Variants in FBXL19 observed in about 807,000 individuals in gnomAD.
FBXL19 encodes F-box and leucine rich repeat protein 19, also known as F-box/LRR-repeat protein 19.
In FBXL19, 16 loss-of-function variants were observed where a neutral mutation model predicts 71.2. The observed-to-expected ratio is 0.22, with a 90% CI of 0.15 to 0.34. FBXL19 has a LOEUF of 0.34. Among genes scored for constraint, FBXL19 ranks in the 10% least tolerant of loss-of-function variants. FBXL19 has a pLI of 1.00. For missense variants in FBXL19, 658 were observed against 968.2 expected (o/e 0.68, Z 4.25); for synonymous variants, 447 against 409.4 (o/e 1.09, Z -1.11).
Position 30,930,027 on chromosome 16 carries a change from A to G in FBXL19, c.790-46A>G. The G allele has an allele frequency of 3.8e-6, 6 of 1,571,806 alleles. No individual in the cohort carries two copies. The highest frequency in any genetic ancestry group is 5.2e-6 in the Non-Finnish European group (6 of 1,156,658). On this transcript the variant is annotated intron_variant, in intron 6 of 10. Transcript: ENST00000338343. The surrounding 1 kb of genome is among the most constrained non-coding windows in gnomAD (Gnocchi z 8.5). Reference sequence around the variant, plus strand: ...ACTCCTCGGGGTAGGGGGGTGGGAAAATGTATCCCAGGCCCTAGAACAGCA... The same window carrying G: ...ACTCCTCGGGGTAGGGGGGTGGGAAGATGTATCCCAGGCCCTAGAACAGCA...
intron 7 of FBXL19, among the ~76,000 whole-genome samples, chr16:30,938,061 T>A (rs573956363): frequency 6.6e-5 from 10 of 152,162 alleles, no homozygotes; most frequent in Middle Eastern, 6.8e-3. Context: ...TTGGAGAGAT[T>A]TGCAGATGTT....
chr16:30,924,747 C>T lies in FBXL19; in HGVS notation c.-25+288C>T, dbSNP rs764699024. ...TAGCCCCATGGATGGGTATGAAAGT[C>T]CCCGGAAAGGGGGAATCTGGGGTAA... On this transcript the variant is annotated intron_variant, in intron 1 of 10. Coordinates refer to ENST00000338343, the MANE Select transcript of FBXL19 (RefSeq NM_001382779.1). 3 of 1,492,026 alleles carry T rather than the reference C, an allele frequency of 2.0e-6. No individual in the cohort carries two copies. The South Asian group carries it at 4.2e-5, about 21-fold the overall frequency. 92.4% of individuals were successfully genotyped at this position (1,492,026 alleles called of 1,614,324 possible). A position where few individuals can be genotyped will look rare whatever the true frequency, so the allele number is the denominator to read the frequency against.
At chr16:30,937,098 G>T (rs1038585377) in intron 7 of FBXL19, among the ~76,000 whole-genome samples, 1 of 152,026 alleles carries the variant, frequency 6.6e-6, no homozygotes, top group African/African-American at 2.4e-5. Flanking sequence ...ACCTCCTAGG[G>T]CTGGCGTGAG....
rs1276910873 is a variant in FBXL19, at chr16:30,924,168, G to A, written c.-316G>A. The stretch of plus-strand genomic sequence containing the variant: ...AGAAGCTGAGCACCCTGCGCCCAAG[G>A]AGCCCCCGTTGGCCTGGGGGGGCTG... On this transcript the variant is annotated 5_prime_UTR_variant, in exon 1 of 11. Transcript: ENST00000338343. The A allele has an allele frequency of 6.6e-6, 1 of 152,214 alleles. No individual in the cohort carries two copies. The allele number at this position is 152,214 out of a possible 1,614,324, so 9.4% of individuals were successfully genotyped here.
At chr16:30,940,823 T>C (rs2055794645) in intron 7 of FBXL19, among the ~76,000 whole-genome samples, 1 of 152,008 alleles carries the variant, frequency 6.6e-6, no homozygotes, top group South Asian at 2.1e-4. Context: ...CCCGCCACCA[T>C]GCCCAGCTAA....
chr16:30,939,560 C>T (rs2055778958), intron 7 of FBXL19, among the ~76,000 whole-genome samples: 1 of 151,340 alleles, frequency 6.6e-6, no homozygotes, highest in Non-Finnish European at 1.5e-5. Context: ...ACTACAGGCG[C>T]CCTCCACCAC....
chr16:30,928,295 A>T (rs1434859706), intron 5 of FBXL19, among the ~76,000 whole-genome samples, 172 bp from the exon 6 acceptor site: 1 of 152,032 alleles, frequency 6.6e-6, no homozygotes, highest in Non-Finnish European at 1.5e-5. Context: ...GAGATGGAGC[A>T]TGCTCAGTGG....
intron 7 of FBXL19, among the ~76,000 whole-genome samples, chr16:30,939,228 C>A (rs569033051): frequency 6.6e-6 from 1 of 150,832 alleles, no homozygotes; most frequent in Non-Finnish European, 1.5e-5. Context: ...CCCGCCACCA[C>A]GCCCGGCTAA....
intron 7 of FBXL19, among the ~76,000 whole-genome samples, chr16:30,941,611 G>A (rs2143379426): frequency 6.6e-6 from 1 of 152,334 alleles, no homozygotes; most frequent in East Asian, 1.9e-4. Context: ...GATGGGACAG[G>A]TGTGGATCAG....
chr16:30,943,024 C>G (rs1024580933), intron 9 of FBXL19, among the ~76,000 whole-genome samples: 1 of 152,228 alleles, frequency 6.6e-6, no homozygotes, highest in African/African-American at 2.4e-5. Context: ...GGGTCTCCAG[C>G]TCCCTGAGGG....
rs1225711477 is a variant in FBXL19, at chr16:30,948,486, G to A, written c.*1256G>A. 6.6e-6 allele frequency: 1 copy of A among 152,270 alleles called. No individual in the cohort carries two copies. Among genetic ancestry groups the A allele is most frequent in the Non-Finnish European group, 1.5e-5 (1 of 68,164 alleles). The allele number at this position is 152,270 out of a possible 1,614,324, so 9.4% of individuals were successfully genotyped here. Reference sequence around the variant, plus strand: ...CTTCGGGACCCCGGGGATGAGCCGGGCCAGGTCCCGCCCCTCCGCGCAGGC... The same window carrying A: ...CTTCGGGACCCCGGGGATGAGCCGGACCAGGTCCCGCCCCTCCGCGCAGGC... On this transcript the variant is annotated 3_prime_UTR_variant, in exon 11 of 11. Coordinates refer to ENST00000338343, the MANE Select transcript of FBXL19 (RefSeq NM_001382779.1).
chr16:30,932,061 C>T (rs2055680877), intron 7 of FBXL19, among the ~76,000 whole-genome samples: 1 of 152,038 alleles, frequency 6.6e-6, no homozygotes, highest in African/African-American at 2.4e-5. Context: ...AGCTATAAAC[C>T]ATTAGGCCAG....
In FBXL19 at chr16:30,939,409, G is replaced by T. The variant is rs1004626789; in HGVS notation, c.1302-2707G>T. ...CATATTTATGTGAAACAATACTGGG[G>T]TTTTTTTTTTTGTTTTTTTTTTGAG... On this transcript the variant is annotated intron_variant, in intron 7 of 10. Transcript: ENST00000338343. 2.3e-4 allele frequency among the ~76,000 whole-genome samples: 28 copies of T among 123,668 alleles called. No individual in the cohort carries two copies. In the East Asian group the frequency reaches 4.7e-3, roughly 21 times the overall value. 81.1% of individuals were successfully genotyped at this position (123,668 alleles called of 152,430 possible).
chr16:30,929,403 A>T (rs1005812228), intron 6 of FBXL19, among the ~76,000 whole-genome samples: 1 of 152,160 alleles, frequency 6.6e-6, no homozygotes, highest in Non-Finnish European at 1.5e-5. Context: ...CGCCTGCTCC[A>T]GCTGGTCCGT....
At position 30,923,997 on chromosome 16, in the gene FBXL19, G is replaced by C. The variant is rs1401400051; in HGVS notation, c.-487G>C. ...GGCGGGCTTGAACCCCGGAAACGGT[G>C]GGGGGGGCCCAGGCCTGGCACTGGA... On this transcript the variant is annotated 5_prime_UTR_variant, in exon 1 of 11. Coordinates refer to ENST00000338343, the MANE Select transcript of FBXL19 (RefSeq NM_001382779.1). The C allele has an allele frequency of 6.6e-6, 1 of 150,958 alleles. No homozygotes were observed. Among genetic ancestry groups the C allele is most frequent in the African/African-American group, 2.4e-5 (1 of 41,058 alleles). 9.4% of individuals were successfully genotyped at this position (150,958 alleles called of 1,614,324 possible). A position where few individuals can be genotyped will look rare whatever the true frequency, so the allele number is the denominator to read the frequency against.
chr16:30,947,146 C>A lies in FBXL19; in HGVS notation c.1941C>A (p.Pro647=), dbSNP rs780731282. 6.2e-6 allele frequency: 10 copies of A among 1,600,270 alleles called. No homozygotes were observed. Among genetic ancestry groups the A allele is most frequent in the South Asian group, 4.4e-5 (4 of 90,984 alleles). The change falls in exon 11 of 11, where the codon CCC becomes CCA. Residue 647 remains proline, a synonymous_variant. Transcript: ENST00000338343. ...LDLRSCRQLS[P]EACARLAAAG... ...TGCGCTCCTGCCGCCAGCTCTCACC[C>A]GAAGCTTGTGCCCGGCTGGCAGCTG...
At chr16:30,945,849 G>A (rs1379978137) in intron 9 of FBXL19, among the ~76,000 whole-genome samples, 1 of 86,826 alleles carries the variant, frequency 1.2e-5, no homozygotes, top group African/African-American at 5.6e-5. Context: ...CCGTCTCGGG[G>A]AAAAAAAAAA....
chr16:30,924,942 G>C (rs1389553025), intron 1 of FBXL19, among the ~76,000 whole-genome samples: 1 of 152,204 alleles, frequency 6.6e-6, no homozygotes, highest in Non-Finnish European at 1.5e-5. Context: ...GAAGATGTCA[G>C]GCTGGATTCT....
At chr16:30,939,989 G>A (rs2055783812) in intron 7 of FBXL19, among the ~76,000 whole-genome samples, 1 of 151,984 alleles carries the variant, frequency 6.6e-6, no homozygotes, top group Non-Finnish European at 1.5e-5. Flanking sequence ...AGGCACAGTG[G>A]CTCACGCCTG....
Sources: gnomAD v4.1 joint callset for allele counts (sites outside exome capture counted in the v4.1 genomes callset) on GRCh38, gnomAD v4.1.1 for gene constraint, Gnocchi (gnomAD v3.1) non-coding constraint, MANE v1.5 for transcripts, NCBI Gene and HGNC (gene_info 2026-07-23, HGNC 2026-07-21) for gene names.